The following NCKAP5 variants were observed in gnomAD, a reference collection of about 807,000 sequenced individuals.
NCKAP5 encodes the protein nck-associated protein 5.
In NCKAP5, 92 loss-of-function variants were observed where a neutral mutation model predicts 167.0. That is an observed-to-expected ratio of 0.55 (90% confidence interval 0.47 to 0.66). The LOEUF (loss-of-function observed/expected upper bound fraction) is 0.66, where lower values mean the gene tolerates loss of function less well. NCKAP5 is among the 30% of genes least tolerant of loss of function. NCKAP5 has a pLI of 0.00. For missense variants in NCKAP5, 2,378 were observed against 2,315.0 expected (o/e 1.03, Z -0.56); for synonymous variants, 891 against 877.4 (o/e 1.02, Z -0.27).
intron 4 of NCKAP5, among the ~76,000 whole-genome samples, chr2:133,259,212 T>G (rs1362325616): frequency 6.6e-6 from 1 of 152,178 alleles, no homozygotes; most frequent in African/African-American, 2.4e-5. Flanking sequence ...GCCTCATCCA[T>G]CACTTTATCT....
At chr2:132,967,455 T>C (rs900905607) in intron 7 of NCKAP5, among the ~76,000 whole-genome samples, 2 of 152,132 alleles carry the variant, frequency 1.3e-5, no homozygotes, top group African/African-American at 4.8e-5. Flanking sequence ...GGTCGGTGTT[T>C]GGTGAAAGAG....
intron 3 of NCKAP5, among the ~76,000 whole-genome samples, chr2:133,473,006 A>G (rs1016119358): frequency 7.2e-5 from 11 of 152,160 alleles, no homozygotes; most frequent in African/African-American, 2.7e-4. Context: ...TACCACTGCA[A>G]CCAGTTTGAT....
chr2:132,793,457 G>C (rs943839599), intron 12 of NCKAP5, among the ~76,000 whole-genome samples: 7 of 152,166 alleles, frequency 4.6e-5, no homozygotes, highest in African/African-American at 1.7e-4. Flanking sequence ...AATCACCAAG[G>C]GATCTTGTTA....
intron 11 of NCKAP5, among the ~76,000 whole-genome samples, chr2:132,859,764 G>T (rs557260546): frequency 5.6e-4 from 86 of 152,302 alleles, no homozygotes; most frequent in Non-Finnish European, 1.1e-3. Context: ...ATGGGAGCTT[G>T]TTTAAGCAAA....
chr2:133,201,564 G>A (rs1476917315), intron 5 of NCKAP5, among the ~76,000 whole-genome samples: 1 of 152,096 alleles, frequency 6.6e-6, no homozygotes, highest in Non-Finnish European at 1.5e-5. Context: ...GTGGGTATGT[G>A]GCTGACAAGA....
upstream of NCKAP5, among the ~76,000 whole-genome samples, chr2:133,569,919 C>T (rs1688796828): frequency 6.6e-6 from 1 of 152,136 alleles, no homozygotes; most frequent in Admixed American, 6.5e-5. Context: ...AGTACAGACC[C>T]TTAGACCCAG....
intron 3 of NCKAP5, among the ~76,000 whole-genome samples, chr2:133,429,049 G>C (rs1689990191): frequency 6.6e-6 from 1 of 152,100 alleles, no homozygotes; most frequent in African/African-American, 2.4e-5. Context: ...AGACCACATA[G>C]GATTTATGCC....
At chr2:133,590,387 T>G in the NCKAP5 span, among the ~76,000 whole-genome samples, 1 of 151,654 alleles carries the variant, frequency 6.6e-6, no homozygotes, top group South Asian at 2.1e-4. Flanking sequence ...CTAGCCAGGC[T>G]TGGTGGCGGG....
At chr2:133,591,293 C>A in the NCKAP5 span, among the ~76,000 whole-genome samples, 3 of 152,184 alleles carry the variant, frequency 2.0e-5, no homozygotes, top group East Asian at 5.8e-4. Flanking sequence ...ACTTGGATGG[C>A]CGGGTTTCCC....
intron 6 of NCKAP5, among the ~76,000 whole-genome samples, chr2:133,057,245 A>G (rs1292404971): frequency 6.6e-5 from 10 of 152,212 alleles, no homozygotes; most frequent in African/African-American, 1.4e-4. Flanking sequence ...AATAAGGTCA[A>G]TTAATAACCC....
At chr2:133,213,274 T>A (rs1377542684) in intron 5 of NCKAP5, among the ~76,000 whole-genome samples, 1 of 152,164 alleles carries the variant, frequency 6.6e-6, no homozygotes, top group African/African-American at 2.4e-5. Context: ...GAAAAATATA[T>A]TGCAAATAGT....
At chr2:133,358,581 A>G (rs527609500) in intron 3 of NCKAP5, among the ~76,000 whole-genome samples, 99 of 152,314 alleles carry the variant, frequency 6.5e-4, no homozygotes, top group African/African-American at 2.3e-3. Flanking sequence ...TGTCTCTTGA[A>G]AAAATGTGTT....
In NCKAP5 at chr2:133,072,081, CT is replaced by C. The variant is rs56234235; in HGVS notation, c.341+57896del. 9.7e-4 allele frequency among the ~76,000 whole-genome samples: 141 copies of C among 144,958 alleles called. 1 individual carries two copies. Among genetic ancestry groups the C allele is most frequent in the African/African-American group, 1.7e-3 (68 of 39,726 alleles). Reference sequence around the variant, plus strand: ...TGCCATGCTGTTTCATTTATCCAGGCTTTTTTTTTTTTCTTTTTTTGAGACT... The same window carrying C: ...TGCCATGCTGTTTCATTTATCCAGGCTTTTTTTTTTTCTTTTTTTGAGACT... On this transcript the variant is annotated intron_variant, in intron 6 of 19. Transcript: ENST00000409261.
At chr2:132,676,533 C>T (rs1325504523) in intron 19 of NCKAP5, among the ~76,000 whole-genome samples, 3 of 151,980 alleles carry the variant, frequency 2.0e-5, no homozygotes, top group Non-Finnish European at 4.4e-5. Context: ...CATACCGAAC[C>T]TCAACATTGT....
chr2:133,179,258 G>A (rs1265978648), intron 5 of NCKAP5, among the ~76,000 whole-genome samples: 2 of 148,710 alleles, frequency 1.3e-5, no homozygotes, highest in African/African-American at 5.0e-5. Context: ...GGATTTTGCA[G>A]TTTGTATTAC....
chr2:132,771,017 A>G (rs576792196), intron 16 of NCKAP5, among the ~76,000 whole-genome samples: 1 of 152,292 alleles, frequency 6.6e-6, no homozygotes, highest in South Asian at 2.1e-4. Context: ...ATAATAAGTG[A>G]CTATTACTAG....
intron 19 of NCKAP5, among the ~76,000 whole-genome samples, chr2:132,715,718 G>A (rs1358202232): frequency 6.6e-6 from 1 of 152,152 alleles, no homozygotes; most frequent in East Asian, 1.9e-4. Context: ...AAGACACCGT[G>A]GAGGGATCAA....
chr2:133,103,694 C>G (rs542417321), intron 6 of NCKAP5, among the ~76,000 whole-genome samples: 1 of 152,098 alleles, frequency 6.6e-6, no homozygotes, highest in Non-Finnish European at 1.5e-5. Context: ...AGGGGGATCT[C>G]GCTTGAGCCC....
intron 6 of NCKAP5, among the ~76,000 whole-genome samples, chr2:133,120,550 C>T (rs551227211): frequency 6.6e-6 from 1 of 152,220 alleles, no homozygotes; most frequent in East Asian, 1.9e-4. Context: ...TAAATGTTAT[C>T]TGAGAGCCAT....
Sources: allele counts gnomAD v4.1 joint callset (sites outside exome capture counted in the v4.1 genomes callset), GRCh38; gene constraint gnomAD v4.1.1; transcripts MANE v1.5; gene names NCBI Gene and HGNC (gene_info 2026-07-23, HGNC 2026-07-21).